The following PRKG1 variants were observed in gnomAD, a reference collection of about 807,000 sequenced individuals.
PRKG1 encodes cGMP-dependent protein kinase 1.
PRKG1 carries 35 observed loss-of-function variants against 88.1 expected under a neutral mutation model. The observed-to-expected ratio is 0.40, with a 90% CI of 0.30 to 0.53. PRKG1 has a LOEUF of 0.53. Ranked by LOEUF, PRKG1 falls within the 20% of genes least tolerant of loss-of-function variation. PRKG1 has a pLI of 0.59. For missense variants in PRKG1, 540 were observed against 839.8 expected, an observed-to-expected ratio of 0.64 and a Z score of 4.41; for synonymous variants, 303 against 292.5, an observed-to-expected ratio of 1.04 and a Z score of -0.37.
intron 14 of PRKG1, among the ~76,000 whole-genome samples, chr10:52,287,294 T>G (rs992318132): frequency 3.9e-5 from 6 of 152,048 alleles, no homozygotes; most frequent in African/African-American, 1.4e-4. Context: ...GTTTATACAT[T>G]TTTCAAGTGA....
At chr10:51,921,984 G>A (rs1196998830) in intron 5 of PRKG1, among the ~76,000 whole-genome samples, 1 of 151,784 alleles carries the variant, frequency 6.6e-6, no homozygotes, top group Non-Finnish European at 1.5e-5. Context: ...TATAGAATTG[G>A]TATTATTTTT....
At position 52,104,024 on chromosome 10, in the gene PRKG1, T is replaced by TATAA. The variant is rs1847357929; in HGVS notation, c.936-29815_936-29814insTAAA. Among the ~76,000 whole-genome samples the TATAA allele has an allele frequency of 2.7e-5, 4 of 145,456 alleles. No homozygotes were observed. The East Asian group carries it at 7.9e-4, about 29-fold the overall frequency. ...TGTATATATAATATATATATATATA[T>TATAA]AATGAGATATATATATATCTCATAG... On this transcript the variant is annotated intron_variant, in intron 7 of 17. Transcript: ENST00000373980.
chr10:51,041,411 C>T (rs1056201380), intron 1 of PRKG1, among the ~76,000 whole-genome samples: 14 of 152,168 alleles, frequency 9.2e-5, no homozygotes, highest in East Asian at 1.9e-4. Context: ...ATAGCCACCA[C>T]GGCTGGGCAT....
At chr10:51,152,133 G>T (rs1846088245) in intron 1 of PRKG1, among the ~76,000 whole-genome samples, 1 of 151,928 alleles carries the variant, frequency 6.6e-6, no homozygotes, top group South Asian at 2.1e-4. Flanking sequence ...CTTCCACTTT[G>T]ATTTTGCATT....
intron 7 of PRKG1, among the ~76,000 whole-genome samples, chr10:52,113,184 T>C (rs980706261): frequency 6.6e-6 from 1 of 152,350 alleles, no homozygotes; most frequent in Non-Finnish European, 1.5e-5. Context: ...ACTTATTGTT[T>C]ACTAAAATGT....
chr10:52,236,115 C>T, intron 9 of PRKG1, among the ~76,000 whole-genome samples: 2 of 57,168 alleles, frequency 3.5e-5, no homozygotes, highest in African/African-American at 7.4e-5. Flanking sequence ...TCTTTGAAAC[C>T]AACGAGAACA....
At chr10:51,718,547 C>A (rs1261379373) in intron 3 of PRKG1, among the ~76,000 whole-genome samples, 4 of 152,094 alleles carry the variant, frequency 2.6e-5, no homozygotes, top group Non-Finnish European at 5.9e-5. Context: ...ACAAGTGACA[C>A]ATAGAATTTC....
intron 5 of PRKG1, among the ~76,000 whole-genome samples, chr10:52,033,990 G>A (rs10823984): frequency 4.0e-5 from 6 of 151,124 alleles, no homozygotes; most frequent in African/African-American, 1.2e-4. Context: ...TGCTTTTTGA[G>A]CCAGGATGAG....
rs1838820134 is a variant in PRKG1, at chr10:51,433,223, T to C, written c.479-34500T>C. On this transcript the variant is annotated intron_variant, in intron 2 of 17. Coordinates refer to ENST00000373980, the MANE Select transcript of PRKG1 (RefSeq NM_006258.4). ...TAATCTGAGAACAGGGTAAAATAAATGGGAATGTGTTGCTTAATGGATACT... is the reference window on the plus strand; with the variant it reads ...TAATCTGAGAACAGGGTAAAATAAACGGGAATGTGTTGCTTAATGGATACT... Among the ~76,000 whole-genome samples, 3 of 151,990 alleles carry C rather than the reference T, an allele frequency of 2.0e-5. No individual in the cohort carries two copies. The South Asian group carries it at 6.2e-4, about 32-fold the overall frequency.
At chr10:51,942,245 G>A (rs1206454827) in intron 5 of PRKG1, among the ~76,000 whole-genome samples, 6 of 151,920 alleles carry the variant, frequency 3.9e-5, no homozygotes, top group Non-Finnish European at 7.4e-5. Context: ...CTGCATAAAT[G>A]TCTTCTTTTG....
At chr10:51,238,109 A>G (rs145893507) in intron 2 of PRKG1, among the ~76,000 whole-genome samples, 3,079 of 152,310 alleles carry the variant, frequency 0.02, 52 homozygotes, top group Non-Finnish European at 0.03. Flanking sequence ...GAATTGTTAT[A>G]AACTAATTTT....
chr10:51,856,702 AC>A (rs1470024175), intron 4 of PRKG1, among the ~76,000 whole-genome samples: 1 of 151,974 alleles, frequency 6.6e-6, no homozygotes, highest in African/African-American at 2.4e-5. Flanking sequence ...ATGGTGGCTT[AC>A]GCCTGTAATC....
chr10:51,672,242 C>A (rs1002795346), intron 3 of PRKG1, among the ~76,000 whole-genome samples: 26 of 152,060 alleles, frequency 1.7e-4, no homozygotes, highest in African/African-American at 6.0e-4. Context: ...GTATTTTAGA[C>A]CTTCTTACCC....
chr10:51,503,577 G>A (rs949065383), intron 3 of PRKG1, among the ~76,000 whole-genome samples: 1 of 152,120 alleles, frequency 6.6e-6, no homozygotes, highest in African/African-American at 2.4e-5. Context: ...TGTATCCTTA[G>A]CCAGCCTTTG....
intron 5 of PRKG1, among the ~76,000 whole-genome samples, chr10:51,972,414 T>C (rs1369485968): frequency 6.6e-6 from 1 of 152,224 alleles, no homozygotes; most frequent in African/African-American, 2.4e-5. Flanking sequence ...TCTGGTCATA[T>C]ACTGAAGGTG....
chr10:51,990,709 T>C (rs188873068), intron 5 of PRKG1, among the ~76,000 whole-genome samples: 2,781 of 152,174 alleles, frequency 0.018, 47 homozygotes, highest in Middle Eastern at 0.027. Flanking sequence ...CCTGATCCTC[T>C]CCCTCCTCCC....
intron 5 of PRKG1, among the ~76,000 whole-genome samples, chr10:51,927,567 C>G (rs1842605746): frequency 6.9e-6 from 1 of 144,844 alleles, no homozygotes; most frequent in African/African-American, 2.5e-5. Flanking sequence ...CAAACATACA[C>G]AAAAACATGC....
chr10:51,830,080 ATTT>A lies in PRKG1; in HGVS notation c.698+25391_698+25393del, dbSNP rs1839966993. Reference sequence around the variant, plus strand: ...GACCACTTCGGGAAAGGGTGAAAAGATTTCCTGGGAGAGTAGGGTGTCTGTGGA... The same window carrying A: ...GACCACTTCGGGAAAGGGTGAAAAGACCTGGGAGAGTAGGGTGTCTGTGGA... On this transcript the variant is annotated intron_variant, in intron 4 of 17. Transcript: ENST00000373980. 1.4e-4 allele frequency among the ~76,000 whole-genome samples: 21 copies of A among 152,202 alleles called. No homozygotes were observed. The South Asian group carries it at 3.9e-3, about 29-fold the overall frequency.
intron 2 of PRKG1, among the ~76,000 whole-genome samples, chr10:51,334,091 C>A (rs1332601119): frequency 1.3e-5 from 2 of 150,960 alleles, no homozygotes; most frequent in Non-Finnish European, 3.0e-5. Flanking sequence ...GTCTTCTTCC[C>A]ATGCTGGTTT....
Sources: gnomAD v4.1 joint callset for allele counts (sites outside exome capture counted in the v4.1 genomes callset) on GRCh38, gnomAD v4.1.1 for gene constraint, MANE v1.5 for transcripts, NCBI Gene and HGNC (gene_info 2026-07-23, HGNC 2026-07-21) for gene names.